The following CREB3L4 variants were observed in gnomAD, a reference collection of about 807,000 sequenced individuals.
CREB3L4 encodes the protein cyclic AMP-responsive element-binding protein 3-like protein 4.
Under a neutral mutation model 37.0 loss-of-function variants are expected in CREB3L4, and 28 were observed. The observed-to-expected ratio is 0.76, with a 90% confidence interval of 0.56 to 1.04. The LOEUF is 1.04. CREB3L4 is among the 50% of genes least tolerant of loss of function. The pLI, the probability that CREB3L4 is intolerant of heterozygous loss-of-function variation, is 0.00. For synonymous variants in CREB3L4, 175 were observed against 192.2 expected, an observed-to-expected ratio of 0.91 and a Z score of 0.74; for missense variants, 462 against 486.0, an observed-to-expected ratio of 0.95 and a Z score of 0.46.
chr1:153,969,359 G>A lies in CREB3L4; in HGVS notation c.447G>A (p.Val149=), dbSNP rs1648116040. ...QLDQWSPAFM[V]PDSCMVSELP... ...ATCAGTGGAGCCCAGCATTTATGGT[G>A]CCTGATTCCTGCATGGTCAGTGAGC... is the stretch of plus-strand genomic sequence containing the variant. The change falls in exon 4 of 10, where the codon GTG becomes GTA. Residue 149 remains valine, a synonymous_variant. Coordinates refer to ENST00000368607, the MANE Select transcript of CREB3L4 (RefSeq NM_001255978.2). 1 of 1,614,062 alleles carries A rather than the reference G, an allele frequency of 6.2e-7. No individual in the cohort carries two copies. Among genetic ancestry groups the A allele is most frequent in the South Asian group, 1.1e-5 (1 of 91,090 alleles).
upstream of CREB3L4, chr1:153,967,775 T>C (rs1363309906): frequency 6.6e-6 from 1 of 152,202 alleles, no homozygotes; most frequent in Non-Finnish European, 1.5e-5. Context: ...AGTGTGCCAT[T>C]GGCTCGATGT....
chr1:153,972,988 T>C lies in CREB3L4; in HGVS notation c.653T>C (p.Leu218Pro), dbSNP rs1394109088. ...GCCTCCAAGGCAGAGGAGAGGGTCCTCAAGAAGGTCAGGAGGAAAATCCGT... is the reference window on the plus strand; with the variant it reads ...GCCTCCAAGGCAGAGGAGAGGGTCCCCAAGAAGGTCAGGAGGAAAATCCGT... ...LPLTKAEERV[L>P]KKVRRKIRNK... Residue 218 changes from leucine (L) to proline (P), a missense_variant, in exon 6 of 10, where the codon CTC (leucine) becomes CCC (proline). Leu to Pro is a moderately conservative substitution (Grantham distance 98). Transcript: ENST00000368607. The C allele has an allele frequency of 6.2e-7, 1 of 1,614,084 alleles. No individual in the cohort carries two copies. Among genetic ancestry groups the C allele is most frequent in the South Asian group, 1.1e-5 (1 of 91,080 alleles).
rs747552693 is a variant in CREB3L4, at chr1:153,974,167, A to G, written c.*102A>G. The G allele has an allele frequency of 3.5e-6, 4 of 1,138,496 alleles. No individual in the cohort carries two copies. The highest frequency in any genetic ancestry group is 2.4e-5 in the Admixed American group (1 of 41,910). 70.5% of individuals were successfully genotyped at this position (1,138,496 alleles called of 1,614,324 possible). ...GATTCCTACTTAGGTGTCTGCCCTC[A>G]GGGGTCCAAATCACTTCAGGACACC... On this transcript the variant is annotated 3_prime_UTR_variant, in exon 10 of 10. Transcript: ENST00000368607.
intron 1 of CREB3L4, 26 bp from the exon 2 acceptor site, chr1:153,968,496 C>T: frequency 6.2e-7 from 1 of 1,604,768 alleles, no homozygotes; most frequent in Non-Finnish European, 8.5e-7. Flanking sequence ...TTTCTGCAAC[C>T]CTCCGTCCCA....
At position 153,969,077 on chromosome 1, in the gene CREB3L4, A is replaced by G; in HGVS notation, c.322A>G (p.Ser108Gly). The change falls in exon 3 of 10, where the codon AGT becomes GGT. Residue 108 changes from serine (S) to glycine (G), a missense_variant. Physicochemically the swap from Ser to Gly is moderately conservative, Grantham distance 56 (BLOSUM62 0). Transcript: ENST00000368607. ...CAGTCCCCCTGCCCCCAGGGCAACC[A>G]GTTCTCCTATGCTCTATGAGGTTGT... ...PDSPPAPRAT[S>G]SPMLYEVVYE... 1.2e-6 allele frequency: 2 copies of G among 1,614,160 alleles called. No individual in the cohort carries two copies. The highest frequency in any genetic ancestry group is 2.2e-5 in the East Asian group (1 of 44,888).
At chr1:153,969,282 G>A (rs1648106939) in intron 3 of CREB3L4, 52 bp from the exon 4 acceptor site, 5 of 1,614,116 alleles carry the variant, frequency 3.1e-6, no homozygotes, top group Non-Finnish European at 4.2e-6. Context: ...CCCTGCGGCT[G>A]TCAGGGTGTT....
Position 153,968,615 on chromosome 1 carries a change from C to T in CREB3L4, c.90C>T (p.Leu30=). Residue 30 remains leucine (L), a synonymous_variant, in exon 2 of 10, where the codon CTC becomes CTT. Coordinates refer to ENST00000368607, the MANE Select transcript of CREB3L4 (RefSeq NM_001255978.2). ...CAGGATCCGTCCTGGAGCTGGGACT[C>T]CACTGCCCCCCTCCAGAGGTTCCGG... The part of the protein sequence containing the change: ...FSTGSVLELG[L]HCPPPEVPVT... 6.2e-7 allele frequency: 1 copy of T among 1,614,044 alleles called. No individual in the cohort carries two copies. The highest frequency in any genetic ancestry group is 2.2e-5 in the East Asian group (1 of 44,866).
At position 153,968,817 on chromosome 1, in the gene CREB3L4, GTA is replaced by G. The variant is rs903925210; in HGVS notation, c.175-110_175-109del. 3.9e-6 allele frequency: 6 copies of G among 1,524,554 alleles called. No homozygotes were observed. In the African/African-American group the frequency reaches 6.9e-5, roughly 17 times the overall value. The allele number at this position is 1,524,554 out of a possible 1,614,324, so 94.4% of individuals were successfully genotyped here. On this transcript the variant is annotated intron_variant, in intron 2 of 9. Transcript: ENST00000368607. ...ACCACCCCCAAAATAGACGTAAGTT[GTA>G]TAATAACTGTCTCCATGCCCAAGAA...
chr1:153,970,739 CT>C lies in CREB3L4; in HGVS notation c.543+1309del, dbSNP rs35553007. 1.1e-3 allele frequency among the ~76,000 whole-genome samples: 92 copies of C among 87,158 alleles called. 1 individual carries two copies. The highest frequency in any genetic ancestry group is 8.6e-3 in the Middle Eastern group (1 of 116). The allele number at this position is 87,158 out of a possible 152,430, so 57.2% of individuals were successfully genotyped here. A position where few individuals can be genotyped will look rare whatever the true frequency, so the allele number is the denominator to read the frequency against. The stretch of plus-strand genomic sequence containing the variant: ...GAAGCCAAGCTAAGCATCTTAGAAT[CT>C]TTTTTTTTTTTTTTTTTTTTTTTTA... On this transcript the variant is annotated intron_variant, in intron 4 of 9. Transcript: ENST00000368607.
chr1:153,971,304 G>A (rs1648345242), intron 4 of CREB3L4, among the ~76,000 whole-genome samples: 1 of 151,706 alleles, frequency 6.6e-6, no homozygotes, highest in Non-Finnish European at 1.5e-5. Context: ...GGAAGCAGAG[G>A]TTGCAGTAAG....
Position 153,973,966 on chromosome 1 carries a change from G to A in CREB3L4, c.1089G>A (p.Lys363=). ...GACTGAGGGAGCCACCTGGAGCCAAGGATGCAAATGGCTCAACAAGGACAC... is the reference window on the plus strand; with the variant it reads ...GACTGAGGGAGCCACCTGGAGCCAAAGATGCAAATGGCTCAACAAGGACAC... ...ESRLREPPGA[K]DANGSTRTLL... The change falls in exon 10 of 10, where the codon AAG becomes AAA. Residue 363 remains lysine (K), a synonymous_variant. Transcript: ENST00000368607. The A allele has an allele frequency of 6.2e-7, 1 of 1,614,170 alleles. No individual in the cohort carries two copies. The highest frequency in any genetic ancestry group is 8.5e-7 in the Non-Finnish European group (1 of 1,180,002).
In CREB3L4 at chr1:153,974,024, A is replaced by G. The variant is rs904398160; in HGVS notation, c.1147A>G (p.Ser383Gly). The change falls in exon 10 of 10, where the codon AGT (serine) becomes GGT (glycine). Residue 383 changes from serine to glycine, a missense_variant. Physicochemically the swap from Ser to Gly is moderately conservative, Grantham distance 56. Transcript: ENST00000368607. ...GAAGATGGGAGGGAAGCCAAGACCC[A>G]GTGGGCGCATCCGGTCCGTGCTGCA... Reference protein sequence around the residue: ...LEKMGGKPRPSGRIRSVLHAD... With the variant: ...LEKMGGKPRPGGRIRSVLHAD... The G allele has an allele frequency of 4.3e-6, 7 of 1,614,160 alleles. No individual in the cohort carries two copies. Among genetic ancestry groups the G allele is most frequent in the Non-Finnish European group, 5.1e-6 (6 of 1,180,036 alleles).
At chr1:153,972,204 G>A (rs187722991) in intron 4 of CREB3L4, among the ~76,000 whole-genome samples, 74 of 152,268 alleles carry the variant, frequency 4.9e-4, no homozygotes, top group East Asian at 1.9e-4. Flanking sequence ...GCTGTGAGAC[G>A]TATGGCTGCC....
rs1365569263 is a variant in CREB3L4, at chr1:153,974,056, TGAG to T, written c.1180_1182del (p.Glu394del). ...GCATCCGGTCCGTGCTGCATGCAGA[TGAG>T]ATGTGAGCTGGAACAGACCTTCCTG... On this transcript the variant is annotated inframe_deletion, in exon 10 of 10. Transcript: ENST00000368607. The T allele has an allele frequency of 9.9e-6, 16 of 1,613,040 alleles. No homozygotes were observed. Among genetic ancestry groups the T allele is most frequent in the Non-Finnish European group, 1.4e-5 (16 of 1,179,542 alleles).
At chr1:153,972,197 G>C (rs866871398) in intron 4 of CREB3L4, among the ~76,000 whole-genome samples, 7 of 152,302 alleles carry the variant, frequency 4.6e-5, no homozygotes, top group African/African-American at 1.7e-4. Context: ...GTGATTTGCT[G>C]TGAGACGTAT....
intron 4 of CREB3L4, among the ~76,000 whole-genome samples, chr1:153,971,378 A>T (rs1648353716): frequency 1.3e-5 from 2 of 151,760 alleles, no homozygotes; most frequent in Non-Finnish European, 2.9e-5. Context: ...AAAAAAAAAA[A>T]GTCTGATGCC....
At position 153,973,823 on chromosome 1, in the gene CREB3L4, C is replaced by T. The variant is rs1334606265; in HGVS notation, c.995-49C>T. On this transcript the variant is annotated intron_variant, in intron 9 of 9. Coordinates refer to ENST00000368607, the MANE Select transcript of CREB3L4 (RefSeq NM_001255978.2). Reference sequence around the variant, plus strand: ...GGAGGTCCTGTCCTGTCTAGGGTCTCCCACCCAGGGGAGCACTCTACTACT... The same window carrying T: ...GGAGGTCCTGTCCTGTCTAGGGTCTTCCACCCAGGGGAGCACTCTACTACT... 8 of 1,592,158 alleles carry T rather than the reference C, an allele frequency of 5.0e-6. No individual in the cohort carries two copies. In the South Asian group the frequency reaches 8.9e-5, roughly 18 times the overall value.
In CREB3L4 at chr1:153,972,172, C is replaced by T. The variant is rs543101046; in HGVS notation, c.544-572C>T. Among the ~76,000 whole-genome samples the T allele has an allele frequency of 5.9e-5, 9 of 152,296 alleles. No individual in the cohort carries two copies. The South Asian group carries it at 1.2e-3, about 21-fold the overall frequency. On this transcript the variant is annotated intron_variant, in intron 4 of 9. Transcript: ENST00000368607. ...CTAGTGAGAAGGGCCATCCACTCTC[C>T]GTACATCCTCTCCTGTGATTTGCTG...
chr1:153,974,025 G>T lies in CREB3L4; in HGVS notation c.1148G>T (p.Ser383Ile). The T allele has an allele frequency of 6.2e-7, 1 of 1,614,152 alleles. No individual in the cohort carries two copies. Among genetic ancestry groups the T allele is most frequent in the Non-Finnish European group, 8.5e-7 (1 of 1,180,022 alleles). The change falls in exon 10 of 10, where the codon AGT (serine) becomes ATT (isoleucine). Residue 383 changes from serine (S) to isoleucine (I), a missense_variant. By Grantham distance (142) the Ser-to-Ile change is moderately radical. Transcript: ENST00000368607. Reference protein sequence around the residue: ...LEKMGGKPRPSGRIRSVLHAD... With the variant: ...LEKMGGKPRPIGRIRSVLHAD... ...AAGATGGGAGGGAAGCCAAGACCCAGTGGGCGCATCCGGTCCGTGCTGCAT... is the reference window on the plus strand; with the variant it reads ...AAGATGGGAGGGAAGCCAAGACCCATTGGGCGCATCCGGTCCGTGCTGCAT...
Sources: gnomAD v4.1 joint callset for allele counts (sites outside exome capture counted in the v4.1 genomes callset) on GRCh38, gnomAD v4.1.1 for gene constraint, MANE v1.5 for transcripts, NCBI Gene and HGNC (gene_info 2026-07-23, HGNC 2026-07-21) for gene names.